The following TNPO1 variants were observed in gnomAD, a reference collection of about 807,000 sequenced individuals.
TNPO1 encodes the protein transportin-1.
In TNPO1, 8 loss-of-function variants were observed where a neutral mutation model predicts 119.5. The observed-to-expected ratio is 0.07, with a 90% CI of 0.04 to 0.12. The LOEUF is 0.12. Ranked by LOEUF, TNPO1 falls within the 10% of genes least tolerant of loss-of-function variation. The pLI, the probability that TNPO1 is intolerant of heterozygous loss-of-function variation, is 1.00. For missense variants in TNPO1, 576 were observed against 1,089.8 expected, an observed-to-expected ratio of 0.53 and a Z score of 6.64; for synonymous variants, 362 against 363.0, an observed-to-expected ratio of 1.00 and a Z score of 0.03.
intron 19 of TNPO1, among the ~76,000 whole-genome samples, chr5:72,896,769 T>C (rs1487735939): frequency 6.6e-6 from 1 of 152,158 alleles, no homozygotes; most frequent in Non-Finnish European, 1.5e-5. Context: ...TTTGGGAGGC[T>C]GAGTCAGGAG....
chr5:72,834,900 TTTATC>T (rs1012046464), intron 1 of TNPO1, among the ~76,000 whole-genome samples: 1 of 152,234 alleles, frequency 6.6e-6, no homozygotes. Flanking sequence ...TTTTATGCCT[TTTATC>T]TTTTTATGCT....
intron 23 of TNPO1, among the ~76,000 whole-genome samples, chr5:72,904,320 A>G (rs1255684555): frequency 6.6e-6 from 1 of 152,194 alleles, no homozygotes; most frequent in East Asian, 1.9e-4. Flanking sequence ...TAAAAATTGT[A>G]TTGCTTGGAT....
chr5:72,833,841 C>T (rs1013685759), intron 1 of TNPO1, among the ~76,000 whole-genome samples: 1 of 152,142 alleles, frequency 6.6e-6, no homozygotes, highest in African/African-American at 2.4e-5. Context: ...ATAATGTGAA[C>T]ACTTACAGAA....
At chr5:72,816,914 A>C in intron 1 of TNPO1, 162 bp downstream of exon 1, 1 of 852,136 alleles carries the variant, frequency 1.2e-6, no homozygotes, top group Admixed American at 3.5e-5. Flanking sequence ...GCGCGGTTCT[A>C]ACCCCAACAG....
rs752713502 is a variant in TNPO1, at chr5:72,889,957, A to G, written c.1701A>G (p.Pro567=). 3.7e-6 allele frequency: 6 copies of G among 1,613,052 alleles called. No individual in the cohort carries two copies. The highest frequency in any genetic ancestry group is 3.3e-5 in the South Asian group (3 of 90,908). ...CAGTAGGACATCATTTAAACAAACC[A>G]GTAAGTATCTGTTAAGAACTATTAG... is the stretch of plus-strand genomic sequence containing the variant. ...ADSVGHHLNK[P]EYIQMLMPPL... The change falls in exon 14 of 25, where the codon CCA becomes CCG. Residue 567 remains proline, a splice_region_variant and synonymous_variant. Coordinates refer to ENST00000337273, the MANE Select transcript of TNPO1 (RefSeq NM_002270.4).
intron 1 of TNPO1, among the ~76,000 whole-genome samples, chr5:72,824,929 C>A (rs893965807): frequency 5.9e-5 from 9 of 152,192 alleles, no homozygotes; most frequent in Non-Finnish European, 1.2e-4. Context: ...GCCTGCTTTA[C>A]CCACAGACTC....
chr5:72,829,924 T>G (rs559764308), intron 1 of TNPO1, among the ~76,000 whole-genome samples: 1 of 152,260 alleles, frequency 6.6e-6, no homozygotes, highest in Non-Finnish European at 1.5e-5. Flanking sequence ...AGGTTGTGGC[T>G]GTGAGTTTAA....
chr5:72,818,374 T>C (rs1047558692), intron 1 of TNPO1, among the ~76,000 whole-genome samples: 7 of 152,252 alleles, frequency 4.6e-5, no homozygotes, highest in Non-Finnish European at 7.3e-5. Context: ...TCTTATTGTA[T>C]TCATTGTTTT....
At chr5:72,842,566 C>T (rs1744959786) in intron 1 of TNPO1, among the ~76,000 whole-genome samples, 1 of 152,192 alleles carries the variant, frequency 6.6e-6, no homozygotes, top group African/African-American at 2.4e-5. Flanking sequence ...TTTTTGGTAG[C>T]ATCTTGGCTC....
intron 24 of TNPO1, among the ~76,000 whole-genome samples, chr5:72,906,281 T>TTC (rs1750155278): frequency 4.9e-5 from 3 of 61,072 alleles, no homozygotes; most frequent in Admixed American, 2.0e-4. Context: ...TTTTCTTTTT[T>TTC]TTTTTTTTTT....
intron 2 of TNPO1, among the ~76,000 whole-genome samples, chr5:72,849,233 T>C (rs867345278): frequency 2.0e-5 from 3 of 152,182 alleles, no homozygotes; most frequent in Non-Finnish European, 4.4e-5. Flanking sequence ...GTGATCCTGT[T>C]GCTACGGTTT....
chr5:72,831,133 T>C (rs778286077), intron 1 of TNPO1, among the ~76,000 whole-genome samples: 9 of 152,146 alleles, frequency 5.9e-5, no homozygotes, highest in Non-Finnish European at 1.3e-4. Flanking sequence ...GATTTTATTA[T>C]GAATTAGTTT....
At chr5:72,855,676 GTCAA>G (rs1290588339) in intron 3 of TNPO1, 94 bp from the exon 4 acceptor site, 8 of 1,000,246 alleles carry the variant, frequency 8.0e-6, no homozygotes, top group Admixed American at 2.8e-5. Context: ...AAGTTTGAAT[GTCAA>G]TCAACTTTTG....
intron 1 of TNPO1, among the ~76,000 whole-genome samples, chr5:72,845,854 G>A (rs1309309479): frequency 6.6e-6 from 1 of 152,138 alleles, no homozygotes; most frequent in African/African-American, 2.4e-5. Context: ...TTGGTCCCTT[G>A]CTTTAGTTTC....
At chr5:72,883,279 T>C (rs1467626946) in intron 11 of TNPO1, 47 bp downstream of exon 11, 2 of 856,010 alleles carry the variant, frequency 2.3e-6, no homozygotes, top group Non-Finnish European at 3.9e-6. Context: ...GATGATAACT[T>C]TATTGGGGTA....
Position 72,891,754 on chromosome 5 carries a change from T to G in TNPO1, c.1702-56T>G, listed in dbSNP as rs1749076909. 21 of 1,244,078 alleles carry G rather than the reference T, an allele frequency of 1.7e-5. No individual in the cohort carries two copies. In the South Asian group the frequency reaches 2.6e-4, roughly 16 times the overall value. 77.1% of individuals were successfully genotyped at this position (1,244,078 alleles called of 1,614,324 possible). A position where few individuals can be genotyped will look rare whatever the true frequency, so the allele number is the denominator to read the frequency against. On this transcript the variant is annotated intron_variant, in intron 14 of 24. Transcript: ENST00000337273. Reference sequence around the variant, plus strand: ...GATTTTAATTTTCAAAGACTCAAAATGGTCTTGTTGACATGTGATAGTGGA... The same window carrying G: ...GATTTTAATTTTCAAAGACTCAAAAGGGTCTTGTTGACATGTGATAGTGGA...
intron 20 of TNPO1, among the ~76,000 whole-genome samples, chr5:72,898,639 C>T (rs994879205): frequency 9.2e-5 from 14 of 152,160 alleles, no homozygotes; most frequent in Admixed American, 9.2e-4. Flanking sequence ...AAGCCAATTC[C>T]TTAGTCTGCC....
rs11409581 is a variant in TNPO1 at position 72,867,170 on chromosome 5, GA to G, written c.596+1452del. ...TGAGTGATGGAATAAGACCCTGCCT[GA>G]AAAAAAAAAATTCCTTTCCATGAAT... On this transcript the variant is annotated intron_variant, in intron 6 of 24. Coordinates refer to ENST00000337273, the MANE Select transcript of TNPO1 (RefSeq NM_002270.4). Among the ~76,000 whole-genome samples, 5 of 149,708 alleles carry G rather than the reference GA, an allele frequency of 3.3e-5. 1 individual carries two copies. The highest frequency in any genetic ancestry group is 7.4e-5 in the African/African-American group (3 of 40,814).
At chr5:72,824,660 C>T (rs1282593825) in intron 1 of TNPO1, among the ~76,000 whole-genome samples, 1 of 152,136 alleles carries the variant, frequency 6.6e-6, no homozygotes, top group Non-Finnish European at 1.5e-5. Flanking sequence ...TTTCACTGAC[C>T]TCTTAATGTT....
Sources: gnomAD v4.1 joint callset for allele counts (sites outside exome capture counted in the v4.1 genomes callset) on GRCh38, gnomAD v4.1.1 for gene constraint, MANE v1.5 for transcripts, NCBI Gene and HGNC (gene_info 2026-07-23, HGNC 2026-07-21) for gene names.